Variants in PABPC4L observed in about 807,000 individuals in gnomAD.
PABPC4L encodes the protein poly(A) binding protein cytoplasmic 4 like, also known as polyadenylate-binding protein 4-like.
For missense variants in PABPC4L, 452 were observed against 451.4 expected, an observed-to-expected ratio of 1.00 and a Z score of -0.01; for synonymous variants, 169 against 164.1, an observed-to-expected ratio of 1.03 and a Z score of -0.23.
the PABPC4L span, among the ~76,000 whole-genome samples, chr4:134,027,534 A>T: frequency 6.6e-6 from 1 of 152,288 alleles, no homozygotes; most frequent in East Asian, 1.9e-4. Context: ...GTGCTACAAT[A>T]AATATGAGAC....
chr4:134,004,915 T>A, the PABPC4L span, among the ~76,000 whole-genome samples: 1 of 151,762 alleles, frequency 6.6e-6, no homozygotes, highest in Non-Finnish European at 1.5e-5. Context: ...ATGGAAATCA[T>A]AGAACCAGAA....
chr4:133,983,954 T>G, the PABPC4L span, among the ~76,000 whole-genome samples: 1 of 151,918 alleles, frequency 6.6e-6, no homozygotes, highest in Non-Finnish European at 1.5e-5. Context: ...ATATTTTGTA[T>G]AGTCTTTCAC....
At chr4:134,020,267 G>C in the PABPC4L span, among the ~76,000 whole-genome samples, 1 of 152,084 alleles carries the variant, frequency 6.6e-6, no homozygotes, top group Non-Finnish European at 1.5e-5. Context: ...AGGAGGAATG[G>C]CGTCCACCCT....
the PABPC4L span, among the ~76,000 whole-genome samples, chr4:134,183,685 T>G: frequency 6.6e-6 from 1 of 151,914 alleles, no homozygotes; most frequent in Admixed American, 6.6e-5. Context: ...AAAACAGGAA[T>G]TAGTATTAAG....
chr4:134,020,572 C>A, the PABPC4L span, among the ~76,000 whole-genome samples: 5 of 151,998 alleles, frequency 3.3e-5, no homozygotes, highest in African/African-American at 1.2e-4. Context: ...GCCTCATTTT[C>A]CTGGCCCTCA....
the PABPC4L span, among the ~76,000 whole-genome samples, chr4:134,131,296 T>G: frequency 6.6e-6 from 1 of 152,006 alleles, no homozygotes; most frequent in Non-Finnish European, 1.5e-5. Context: ...TAGGAAATCC[T>G]GAAGACTCAT....
At chr4:134,009,001 C>A in the PABPC4L span, among the ~76,000 whole-genome samples, 430 of 151,800 alleles carry the variant, frequency 2.8e-3, 4 homozygotes, top group African/African-American at 9.8e-3. Context: ...TATGTACCAA[C>A]TTTTTAAAAA....
At chr4:134,086,855 G>T in the PABPC4L span, among the ~76,000 whole-genome samples, 1 of 150,792 alleles carries the variant, frequency 6.6e-6, no homozygotes, top group Non-Finnish European at 1.5e-5. Flanking sequence ...ACATTGTGCA[G>T]GTTAGTTACA....
chr4:133,967,781 A>G, the PABPC4L span, among the ~76,000 whole-genome samples: 2 of 152,220 alleles, frequency 1.3e-5, no homozygotes, highest in African/African-American at 2.4e-5. Flanking sequence ...CTATGTCAAA[A>G]CATCACAGAG....
At chr4:134,133,246 ATAT>A in the PABPC4L span, among the ~76,000 whole-genome samples, 5 of 137,484 alleles carry the variant, frequency 3.6e-5, no homozygotes, top group African/African-American at 5.5e-5. Context: ...ATATTACATA[ATAT>A]TATATAAATA....
chr4:134,126,890 C>A, the PABPC4L span, among the ~76,000 whole-genome samples: 1 of 152,036 alleles, frequency 6.6e-6, no homozygotes, highest in Admixed American at 6.6e-5. Context: ...AGTTCTCAGC[C>A]CTGCTCACTG....
the PABPC4L span, chr4:134,010,727 C>A: frequency 6.6e-6 from 1 of 152,046 alleles, no homozygotes; most frequent in East Asian, 1.9e-4. Context: ...ACAGCCAAGT[C>A]GATGTATGTA....
At chr4:134,113,079 TAAAG>T in the PABPC4L span, among the ~76,000 whole-genome samples, 1 of 151,926 alleles carries the variant, frequency 6.6e-6, no homozygotes, top group African/African-American at 2.4e-5. Context: ...AATAAGGATA[TAAAG>T]AAAGAAATAT....
the PABPC4L span, among the ~76,000 whole-genome samples, chr4:134,018,867 C>T: frequency 6.6e-6 from 1 of 151,948 alleles, no homozygotes; most frequent in Admixed American, 6.6e-5. Context: ...AAAGTAACTC[C>T]AATTTGATTT....
chr4:134,113,278 C>T, the PABPC4L span, among the ~76,000 whole-genome samples: 1 of 151,646 alleles, frequency 6.6e-6, no homozygotes, highest in African/African-American at 2.4e-5. Context: ...TGTCCTAGAC[C>T]CTCACATTCA....
At chr4:133,962,335 G>C in the PABPC4L span, among the ~76,000 whole-genome samples, 1 of 152,306 alleles carries the variant, frequency 6.6e-6, no homozygotes, top group Admixed American at 6.5e-5. Context: ...AAGCTAATCA[G>C]GGAGACGCCA....
chr4:134,130,529 G>A, the PABPC4L span, among the ~76,000 whole-genome samples: 1 of 151,826 alleles, frequency 6.6e-6, no homozygotes, highest in South Asian at 2.1e-4. Flanking sequence ...AGATTGAAAT[G>A]GTAATTAAAA....
At chr4:134,060,329 T>A in the PABPC4L span, among the ~76,000 whole-genome samples, 1 of 151,842 alleles carries the variant, frequency 6.6e-6, no homozygotes, top group South Asian at 2.1e-4. Context: ...GTCAGTGGAC[T>A]TGGGGACCAT....
At chr4:134,201,495 AGACCCGAACCTGCCAG>A (rs1257959706) in intron 1 of PABPC4L, among the ~76,000 whole-genome samples, 1 of 152,132 alleles carries the variant, frequency 6.6e-6, no homozygotes, top group Admixed American at 6.5e-5. Context: ...TGCCCGGCAG[AGACCCGAACCTGCCAG>A]GTACCGGGTT....
Sources: gnomAD v4.1 joint callset for allele counts (sites outside exome capture counted in the v4.1 genomes callset) on GRCh38, gnomAD v4.1.1 for gene constraint, MANE v1.5 for transcripts, NCBI Gene and HGNC (gene_info 2026-07-23, HGNC 2026-07-21) for gene names.